BORCS5: variants seen among roughly 807,000 people sequenced by gnomAD.
BORCS5 encodes BLOC-1 related complex subunit 5, also known as BLOC-1-related complex subunit 5.
A neutral mutation model predicts 22.1 loss-of-function variants in BORCS5; 17 were observed. The ratio of observed to expected loss-of-function variants is 0.77; its 90% CI spans 0.53 to 1.15. The LOEUF (loss-of-function observed/expected upper bound fraction) is 1.15. BORCS5 is among the 50% of genes most tolerant of loss of function. The pLI is 0.00. For missense variants in BORCS5, 247 were observed against 253.2 expected (o/e 0.98, Z 0.17); for synonymous variants, 117 against 99.8 (o/e 1.17, Z -1.03).
chr12:12,361,414 C>T, intron 2 of BORCS5, 65 bp downstream of exon 2: 1 of 1,559,734 alleles, frequency 6.4e-7, no homozygotes, highest in South Asian at 1.1e-5. Context: ...TACTACTTTC[C>T]CTCTACTTAT....
At chr12:12,367,803 T>C (rs116587337) in intron 2 of BORCS5, among the ~76,000 whole-genome samples, 1,569 of 152,342 alleles carry the variant, frequency 0.01, 34 homozygotes, top group African/African-American at 0.034. Context: ...CTCTGAAACT[T>C]AATGCCATTC....
chr12:12,438,732 GT>G (rs1942619339), intron 3 of BORCS5, among the ~76,000 whole-genome samples: 1 of 152,002 alleles, frequency 6.6e-6, no homozygotes, highest in Non-Finnish European at 1.5e-5. Flanking sequence ...AAATACTCCT[GT>G]TTTATCCATA....
At chr12:12,382,317 C>A (rs1863790678) in intron 2 of BORCS5, among the ~76,000 whole-genome samples, 1 of 150,950 alleles carries the variant, frequency 6.6e-6, no homozygotes. Flanking sequence ...CTCCTTTAAA[C>A]AACCAGTTCT....
chr12:12,385,996 T>C (rs1175678006), intron 2 of BORCS5, among the ~76,000 whole-genome samples: 2 of 150,876 alleles, frequency 1.3e-5, no homozygotes, highest in African/African-American at 2.4e-5. Context: ...CACTTGTCTG[T>C]CCATGTGGTT....
At chr12:12,421,852 G>C (rs1404573392) in intron 2 of BORCS5, among the ~76,000 whole-genome samples, 1 of 152,158 alleles carries the variant, frequency 6.6e-6, no homozygotes, top group Non-Finnish European at 1.5e-5. Context: ...AGTGTTTATA[G>C]TGTTCTCTGA....
chr12:12,458,578 C>CTTT (rs57810545), intron 3 of BORCS5, among the ~76,000 whole-genome samples: 147 of 139,624 alleles, frequency 1.1e-3, no homozygotes, highest in African/African-American at 2.1e-3. Flanking sequence ...CTTTTCTTTC[C>CTTT]TTTTTTTTTT....
chr12:12,404,274 T>C (rs1247140267), intron 2 of BORCS5, among the ~76,000 whole-genome samples: 1 of 152,212 alleles, frequency 6.6e-6, no homozygotes, highest in Non-Finnish European at 1.5e-5. Context: ...GGGAGCACTG[T>C]CTTGGTCCAT....
chr12:12,461,160 T>C (rs1334855735), intron 3 of BORCS5, among the ~76,000 whole-genome samples: 1 of 140,950 alleles, frequency 7.1e-6, no homozygotes, highest in Non-Finnish European at 1.6e-5. Flanking sequence ...TTTATTGCAT[T>C]CTTTTTTTTT....
chr12:12,443,512 G>A (rs188255762), intron 3 of BORCS5, among the ~76,000 whole-genome samples: 3 of 152,166 alleles, frequency 2.0e-5, no homozygotes, highest in South Asian at 2.1e-4. Flanking sequence ...CTTCTGGTTC[G>A]GCGGACTGTA....
intron 2 of BORCS5, among the ~76,000 whole-genome samples, chr12:12,431,654 C>T (rs1402963782): frequency 6.6e-6 from 1 of 152,112 alleles, no homozygotes; most frequent in Admixed American, 6.5e-5. Flanking sequence ...CCCGCCTCGG[C>T]TTCCCAAAGT....
In BORCS5 at chr12:12,469,945, A is replaced by T. The variant is rs923922505; in HGVS notation, c.*4169A>T. Among the ~76,000 whole-genome samples the T allele has an allele frequency of 6.6e-6, 1 of 152,156 alleles. No homozygotes were observed. The highest frequency in any genetic ancestry group is 1.5e-5 in the Non-Finnish European group (1 of 68,040). On this transcript the variant is annotated 3_prime_UTR_variant, in exon 4 of 4. Transcript: ENST00000314565. ...CTCTGAGGAGGTGGCATTATTGTTCACTAACTTACCATAAATCAGGGGTCT... is the reference window on the plus strand; with the variant it reads ...CTCTGAGGAGGTGGCATTATTGTTCTCTAACTTACCATAAATCAGGGGTCT...
At chr12:12,461,851 G>C (rs918363269) in intron 3 of BORCS5, among the ~76,000 whole-genome samples, 1 of 152,180 alleles carries the variant, frequency 6.6e-6, no homozygotes, top group Non-Finnish European at 1.5e-5. Flanking sequence ...GGCAAGGCGA[G>C]GGTTTTGAGG....
chr12:12,372,165 G>C (rs764264713), intron 2 of BORCS5, among the ~76,000 whole-genome samples: 1 of 151,810 alleles, frequency 6.6e-6, no homozygotes, highest in Non-Finnish European at 1.5e-5. Context: ...TTAGTCTCCT[G>C]AGTAGCTGGG....
rs867182484 is a variant in BORCS5, at chr12:12,376,240, T to C, written c.202+14891T>C. Among the ~76,000 whole-genome samples, 9 of 151,468 alleles carry C rather than the reference T, an allele frequency of 5.9e-5. No individual in the cohort carries two copies. In the South Asian group the frequency reaches 8.3e-4, roughly 14 times the overall value. On this transcript the variant is annotated intron_variant, in intron 2 of 3. Transcript: ENST00000314565. ...GGATTGCTTTGCTCTTCAGTCTTTT[T>C]TTTTTTTTTTTGAGACAGAGTCTCA...
At chr12:12,388,762 GTTC>G (rs1863936320) in intron 2 of BORCS5, among the ~76,000 whole-genome samples, 2 of 151,132 alleles carry the variant, frequency 1.3e-5, no homozygotes, top group African/African-American at 2.4e-5. Flanking sequence ...TCTTTCTGCT[GTTC>G]TTCTCCTTTC....
At chr12:12,383,763 G>A (rs1244969248) in intron 2 of BORCS5, among the ~76,000 whole-genome samples, 1 of 150,072 alleles carries the variant, frequency 6.7e-6, no homozygotes, top group Non-Finnish European at 1.5e-5. Context: ...TTTTCCTTTA[G>A]CTTTCCATAG....
intron 2 of BORCS5, among the ~76,000 whole-genome samples, chr12:12,388,859 T>C (rs1008359764): frequency 7.2e-6 from 1 of 139,148 alleles, no homozygotes; most frequent in Non-Finnish European, 1.6e-5. Context: ...GTTCCAGATA[T>C]GAGCATAACT....
intron 3 of BORCS5, among the ~76,000 whole-genome samples, chr12:12,441,494 A>G (rs1447566886): frequency 3.9e-5 from 6 of 152,132 alleles, no homozygotes; most frequent in Non-Finnish European, 8.8e-5. Context: ...TATTCTTGGT[A>G]CAGTTCTAGG....
chr12:12,414,273 T>A (rs1208583460), intron 2 of BORCS5, among the ~76,000 whole-genome samples: 2 of 48,334 alleles, frequency 4.1e-5, no homozygotes, highest in Non-Finnish European at 3.9e-5. Context: ...CACTTCCCAG[T>A]AGGGGCGGCC....
Sources: allele counts gnomAD v4.1 joint callset (sites outside exome capture counted in the v4.1 genomes callset), GRCh38; gene constraint gnomAD v4.1.1; transcripts MANE v1.5; gene names NCBI Gene and HGNC (gene_info 2026-07-23, HGNC 2026-07-21).